Variants in CRBN observed in about 807,000 individuals in gnomAD.
CRBN encodes the protein protein cereblon.
In CRBN, 53 loss-of-function variants were observed where a neutral mutation model predicts 62.2. The observed-to-expected ratio is 0.85, with a 90% CI of 0.68 to 1.07. The LOEUF (loss-of-function observed/expected upper bound fraction) is 1.07. CRBN is among the 50% of genes least tolerant of loss of function. CRBN has a pLI of 0.00. For synonymous variants in CRBN, 208 were observed against 176.1 expected, an observed-to-expected ratio of 1.18 and a Z score of -1.43; for missense variants, 616 against 531.1, an observed-to-expected ratio of 1.16 and a Z score of -1.57.
Position 3,150,069 on chromosome 3 carries a change from A to AAAT in CRBN, c.*793_*795dup, listed in dbSNP as rs1386538025. 1.1e-4 allele frequency: 16 copies of AAAT among 152,126 alleles called. No individual in the cohort carries two copies. Among genetic ancestry groups the AAAT allele is most frequent in the East Asian group, 5.8e-4 (3 of 5,196 alleles). 9.4% of individuals were successfully genotyped at this position (152,126 alleles called of 1,614,324 possible). On this transcript the variant is annotated 3_prime_UTR_variant, in exon 11 of 11. Transcript: ENST00000231948. ...GATTTTCTTCAATTTACATTGAACA[A>AAAT]AATAATACAGTATCAAGTTTAGTCT... is the stretch of plus-strand genomic sequence containing the variant.
chr3:3,165,011 G>C (rs1299969677), intron 5 of CRBN, among the ~76,000 whole-genome samples: 1 of 152,122 alleles, frequency 6.6e-6, no homozygotes, highest in Admixed American at 6.5e-5. Context: ...GAATTTAGAA[G>C]AAGTTTACTC....
chr3:3,159,480 G>A (rs532241668), intron 5 of CRBN, among the ~76,000 whole-genome samples: 42 of 152,274 alleles, frequency 2.8e-4, no homozygotes, highest in African/African-American at 9.9e-4. Context: ...TGGCACCCAT[G>A]TCAAGAAAAA....
intron 1 of CRBN, among the ~76,000 whole-genome samples, chr3:3,179,197 G>A (rs1047713184): frequency 3.9e-5 from 6 of 152,184 alleles, no homozygotes; most frequent in African/African-American, 1.4e-4. Flanking sequence ...TGCATGCAAA[G>A]CGTTAACTGC....
At chr3:3,160,569 T>C (rs1007805525) in intron 5 of CRBN, among the ~76,000 whole-genome samples, 1 of 152,220 alleles carries the variant, frequency 6.6e-6, no homozygotes, top group Admixed American at 6.5e-5. Flanking sequence ...CACCTGACTA[T>C]ACATAGCCTA....
intron 5 of CRBN, among the ~76,000 whole-genome samples, chr3:3,166,196 T>C (rs1707321512): frequency 6.6e-6 from 1 of 152,136 alleles, no homozygotes; most frequent in African/African-American, 2.4e-5. Context: ...GGGAGGTGAC[T>C]GAATTATGGG....
At chr3:3,167,470 T>C (rs1707394982) in intron 5 of CRBN, 164 bp downstream of exon 5, 3 of 644,940 alleles carry the variant, frequency 4.7e-6, no homozygotes, top group Admixed American at 2.9e-5. Context: ...TGCTTTTACA[T>C]AAAGTAGCTG....
At chr3:3,153,300 A>G (rs1326786355) in intron 9 of CRBN, 124 bp downstream of exon 9, 4 of 654,524 alleles carry the variant, frequency 6.1e-6, no homozygotes, top group Non-Finnish European at 8.4e-6. Flanking sequence ...CTAATTCCCT[A>G]TATTTCATTT....
At chr3:3,155,103 C>G (rs1251475114) in intron 6 of CRBN, 1 of 464,234 alleles carries the variant, frequency 2.2e-6, no homozygotes, top group Non-Finnish European at 3.9e-6. Context: ...GTTCTATGCC[C>G]CTGCTTGGAA....
intron 1 of CRBN, among the ~76,000 whole-genome samples, chr3:3,177,794 T>C (rs1311535153): frequency 1.3e-5 from 2 of 152,166 alleles, no homozygotes; most frequent in Admixed American, 6.5e-5. Context: ...TAATGTTTCA[T>C]TTGCCTAGGA....
chr3:3,154,788 T>C lies in CRBN; in HGVS notation c.794A>G (p.Asp265Gly), dbSNP rs774690057. Residue 265 changes from aspartate to glycine, a missense_variant, in exon 7 of 11, where the codon GAT becomes GGT. Coordinates refer to ENST00000231948, the MANE Select transcript of CRBN (RefSeq NM_016302.4). ...AAGAGAATCATCTTTTAGATTTTCA[T>C]CCCATTCACGTAGCTGTTTCTTGAT... The part of the protein sequence containing the change: ...DRIKKQLREW[D>G]ENLKDDSLPS... 3.1e-6 allele frequency: 5 copies of C among 1,608,000 alleles called. No individual in the cohort carries two copies. The Admixed American group carries it at 8.3e-5, about 27-fold the overall frequency.
Position 3,161,433 on chromosome 3 carries a change from T to C in CRBN, c.688-5152A>G, listed in dbSNP as rs969578262. The stretch of plus-strand genomic sequence containing the variant: ...TGCCTGTCAGGCCATGATGAAACAA[T>C]AAAAATAAGTACAAACACCTTAAGT... On this transcript the variant is annotated intron_variant, in intron 5 of 10. Coordinates refer to ENST00000231948, the MANE Select transcript of CRBN (RefSeq NM_016302.4). Among the ~76,000 whole-genome samples the C allele has an allele frequency of 2.7e-5, 4 of 146,602 alleles. No individual in the cohort carries two copies. The East Asian group carries it at 7.7e-4, about 28-fold the overall frequency.
intron 9 of CRBN, 31 bp from the exon 10 acceptor site, chr3:3,152,618 T>G: frequency 6.8e-6 from 11 of 1,613,666 alleles, no homozygotes; most frequent in Non-Finnish European, 9.3e-6. Context: ...GGAGAACACG[T>G]CAAAACGAGA....
chr3:3,154,958 T>G (rs1706817715), intron 6 of CRBN, 127 bp from the exon 7 acceptor site: 13 of 682,706 alleles, frequency 1.9e-5, no homozygotes, highest in South Asian at 1.9e-4. Context: ...AGTCCCAGTT[T>G]AAATGCCTCC....
rs1706430388 is a variant in CRBN, at chr3:3,150,346, G to A, written c.*519C>T. ...GTATCTCAGAGAAGTTAAAGAAAAT[G>A]GAAAGGAACAAAGCCCTTTTAGAAT... On this transcript the variant is annotated 3_prime_UTR_variant, in exon 11 of 11. Transcript: ENST00000231948. 1 of 152,184 alleles carries A rather than the reference G, an allele frequency of 6.6e-6. No individual in the cohort carries two copies. Among genetic ancestry groups the A allele is most frequent in the Non-Finnish European group, 1.5e-5 (1 of 68,102 alleles). The allele number at this position is 152,184 out of a possible 1,614,324, so 9.4% of individuals were successfully genotyped here.
intron 6 of CRBN, 188 bp downstream of exon 6, chr3:3,156,031 T>C (rs1244978897): frequency 1.7e-6 from 1 of 584,774 alleles, no homozygotes; most frequent in Non-Finnish European, 3.1e-6. Flanking sequence ...CTTGAATGCC[T>C]GGCTTCAAGC....
chr3:3,175,335 C>G, intron 1 of CRBN, 66 bp from the exon 2 acceptor site: 1 of 1,197,954 alleles, frequency 8.3e-7, no homozygotes, highest in Non-Finnish European at 1.2e-6. Flanking sequence ...CATGTAATTC[C>G]TTCTTCAAAA....
At chr3:3,179,573 C>T (rs758499422) in intron 1 of CRBN, 48 bp downstream of exon 1, 2 of 1,583,068 alleles carry the variant, frequency 1.3e-6, no homozygotes, top group Non-Finnish European at 1.7e-6. Context: ...CTAGCGGCTC[C>T]GAGCCTCGCC....
At chr3:3,170,857 G>A (rs1421998061) in intron 4 of CRBN, among the ~76,000 whole-genome samples, 1 of 152,126 alleles carries the variant, frequency 6.6e-6, no homozygotes, top group Non-Finnish European at 1.5e-5. Context: ...CCAGGCTGGA[G>A]TGCAGTGGTG....
chr3:3,167,798 A>G lies in CRBN; in HGVS notation c.528-5T>C. 1 of 1,613,132 alleles carries G rather than the reference A, an allele frequency of 6.2e-7. No individual in the cohort carries two copies. Among genetic ancestry groups the G allele is most frequent in the Non-Finnish European group, 8.5e-7 (1 of 1,179,234 alleles). On this transcript the variant is annotated splice_polypyrimidine_tract_variant and splice_region_variant and intron_variant, in intron 4 of 10. Coordinates refer to ENST00000231948, the MANE Select transcript of CRBN (RefSeq NM_016302.4). Reference sequence around the variant, plus strand: ...TGCACTTTAGCTTGCTGGATTCTAAAATAAAGAGAACCAAGCATGGTATTC... The same window carrying G: ...TGCACTTTAGCTTGCTGGATTCTAAGATAAAGAGAACCAAGCATGGTATTC...
Sources: allele counts gnomAD v4.1 joint callset (sites outside exome capture counted in the v4.1 genomes callset), GRCh38; gene constraint gnomAD v4.1.1; transcripts MANE v1.5; gene names NCBI Gene and HGNC (gene_info 2026-07-23, HGNC 2026-07-21).